PRR5L: variants seen among roughly 807,000 people sequenced by gnomAD.
PRR5L encodes proline rich 5 like.
A neutral mutation model predicts 36.4 loss-of-function variants in PRR5L; 21 were observed. That is an observed-to-expected ratio of 0.58 (90% CI 0.41 to 0.83). The LOEUF is 0.83. PRR5L is among the 40% of genes least tolerant of loss of function. The pLI is 0.00. For missense variants in PRR5L, 381 were observed against 473.3 expected (o/e 0.80, Z 1.81); for synonymous variants, 188 against 197.0 (o/e 0.95, Z 0.38).
At chr11:36,357,004 C>G (rs116614718) in intron 1 of PRR5L, among the ~76,000 whole-genome samples, 1 of 152,104 alleles carries the variant, frequency 6.6e-6, no homozygotes, top group African/African-American at 2.4e-5. Flanking sequence ...GGCCAAACAG[C>G]CAAGTTCTGA....
At chr11:36,333,165 A>G (rs997170986) in intron 1 of PRR5L, among the ~76,000 whole-genome samples, 11 of 152,208 alleles carry the variant, frequency 7.2e-5, no homozygotes, top group African/African-American at 2.7e-4. Context: ...TTTATTTTTT[A>G]CTCATATAAA....
chr11:36,345,418 G>C (rs769426913), intron 1 of PRR5L, among the ~76,000 whole-genome samples: 17 of 152,246 alleles, frequency 1.1e-4, no homozygotes, highest in Non-Finnish European at 2.4e-4. Flanking sequence ...CAGTGTACCT[G>C]GAGCTGCGGT....
At chr11:36,351,207 T>G (rs191387930) in intron 1 of PRR5L, among the ~76,000 whole-genome samples, 19,724 of 72,046 alleles carry the variant, frequency 0.27, 4,204 homozygotes, top group East Asian at 0.73. Context: ...ATTAATAATA[T>G]AAATATATAA....
intron 1 of PRR5L, among the ~76,000 whole-genome samples, chr11:36,369,698 G>A (rs763258643): frequency 6.6e-6 from 1 of 152,090 alleles, no homozygotes; most frequent in African/African-American, 2.4e-5. Context: ...AGGTTCAAGC[G>A]ATTCTCCTGC....
chr11:36,417,695 T>C (rs1202308350), intron 3 of PRR5L, among the ~76,000 whole-genome samples: 2 of 152,234 alleles, frequency 1.3e-5, no homozygotes, highest in African/African-American at 4.8e-5. Context: ...TCATGGGTGG[T>C]TCTCTATTCT....
At chr11:36,389,182 C>T (rs1857516064) in intron 1 of PRR5L, among the ~76,000 whole-genome samples, 1 of 53,276 alleles carries the variant, frequency 1.9e-5, no homozygotes, top group Middle Eastern at 7.4e-3. Flanking sequence ...CTTGGAAATA[C>T]ATTTGTTGGT....
At chr11:36,335,325 A>G (rs1387639869) in intron 1 of PRR5L, among the ~76,000 whole-genome samples, 1 of 152,082 alleles carries the variant, frequency 6.6e-6, no homozygotes, top group Non-Finnish European at 1.5e-5. Flanking sequence ...TCGACCTCCC[A>G]AAGTGCTGGA....
chr11:36,328,427 G>T (rs1856686555), intron 1 of PRR5L, among the ~76,000 whole-genome samples: 1 of 152,072 alleles, frequency 6.6e-6, no homozygotes, highest in Admixed American at 6.6e-5. Flanking sequence ...ACAAGATTTG[G>T]TTGTTTAAAA....
chr11:36,415,679 G>T (rs1339748959), intron 3 of PRR5L, among the ~76,000 whole-genome samples: 1 of 152,226 alleles, frequency 6.6e-6, no homozygotes. Flanking sequence ...GGGAGGCAGA[G>T]GTTGCAGTGA....
chr11:36,308,544 G>T (rs1324778979), intron 1 of PRR5L, among the ~76,000 whole-genome samples: 1 of 152,132 alleles, frequency 6.6e-6, no homozygotes, highest in Non-Finnish European at 1.5e-5. Flanking sequence ...GCAGCTTATG[G>T]GACTAACTTG....
chr11:36,412,744 CT>C (rs1257268988), intron 3 of PRR5L, among the ~76,000 whole-genome samples: 1 of 152,166 alleles, frequency 6.6e-6, no homozygotes, highest in African/African-American at 2.4e-5. Flanking sequence ...ATATTTTTTA[CT>C]GTCATCTTTT....
rs768172311 is a variant in PRR5L at position 36,419,282 on chromosome 11, A to G, written c.273A>G (p.Ser91=). 6.2e-7 allele frequency: 1 copy of G among 1,614,106 alleles called. No individual in the cohort carries two copies. Among genetic ancestry groups the G allele is most frequent in the Non-Finnish European group, 8.5e-7 (1 of 1,179,950 alleles). ...GGCTGTTGAAGAGTGAACTTGGATC[A>G]TTCATTACAGACTATTTTCAGGTAA... is the stretch of plus-strand genomic sequence containing the variant. ...IRRLLKSELG[S]FITDYFQNQL... Residue 91 remains serine, a synonymous_variant, in exon 4 of 9, where the codon TCA becomes TCG. Coordinates refer to ENST00000530639, the MANE Select transcript of PRR5L (RefSeq NM_001160167.2).
intron 3 of PRR5L, among the ~76,000 whole-genome samples, chr11:36,413,340 C>T (rs1858067528): frequency 6.6e-6 from 1 of 152,148 alleles, no homozygotes; most frequent in African/African-American, 2.4e-5. Context: ...TTAGCTGGTA[C>T]ACACCCTGCT....
chr11:36,304,991 G>A (rs1190855667), intron 1 of PRR5L, among the ~76,000 whole-genome samples: 13 of 152,162 alleles, frequency 8.5e-5, no homozygotes, highest in Admixed American at 8.5e-4. Flanking sequence ...TTAACACAGA[G>A]TTACAATTTA....
rs376498662 is a variant in PRR5L, at chr11:36,300,487, C to A, written c.-126+4049C>A. Among the ~76,000 whole-genome samples, 94 of 152,232 alleles carry A rather than the reference C, an allele frequency of 6.2e-4. 1 individual carries two copies. The highest frequency in any genetic ancestry group is 1.1e-3 in the African/African-American group (45 of 41,532). On this transcript the variant is annotated intron_variant, in intron 1 of 8. Coordinates refer to ENST00000530639, the MANE Select transcript of PRR5L (RefSeq NM_001160167.2). ...ACCCCACCTCCAATGCTGGCAATCT[C>A]ATTTCAACATGAGATTTAGAGGAGA...
intron 1 of PRR5L, among the ~76,000 whole-genome samples, chr11:36,310,856 G>C (rs898647560): frequency 1.1e-4 from 17 of 151,964 alleles, no homozygotes. Context: ...AATTAGCTTG[G>C]CATGGTGGCG....
intron 3 of PRR5L, among the ~76,000 whole-genome samples, chr11:36,416,353 T>C (rs1392906674): frequency 2.6e-5 from 4 of 152,230 alleles, no homozygotes; most frequent in Non-Finnish European, 4.4e-5. Context: ...GATAATTCTA[T>C]GAACAGTACC....
intron 1 of PRR5L, among the ~76,000 whole-genome samples, chr11:36,348,385 C>A (rs1018914081): frequency 1.3e-5 from 2 of 152,076 alleles, no homozygotes; most frequent in African/African-American, 4.8e-5. Context: ...GGATGTAAAT[C>A]GAAGGTGACA....
At chr11:36,400,922 A>G in intron 1 of PRR5L, 75 bp from the exon 2 acceptor site, 1 of 1,217,722 alleles carries the variant, frequency 8.2e-7, no homozygotes, top group Non-Finnish European at 1.1e-6. Flanking sequence ...GTTAGGCTGG[A>G]AAGTCCCAGC....
Sources: allele counts gnomAD v4.1 joint callset (sites outside exome capture counted in the v4.1 genomes callset), GRCh38; gene constraint gnomAD v4.1.1; transcripts MANE v1.5; gene names NCBI Gene and HGNC (gene_info 2026-07-23, HGNC 2026-07-21).